The following PHF3 variants were observed in gnomAD, a reference collection of about 807,000 sequenced individuals.
PHF3 encodes PHD finger protein 3.
PHF3 carries 41 observed loss-of-function variants against 178.4 expected under a neutral mutation model. That is an observed-to-expected ratio of 0.23 (90% CI 0.18 to 0.30). The LOEUF is 0.30. Ranked by LOEUF, PHF3 falls within the 10% of genes least tolerant of loss-of-function variation. The pLI is 1.00. For synonymous variants in PHF3, 842 were observed against 800.5 expected (o/e 1.05, Z -0.88); for missense variants, 2,346 against 2,398.1 (o/e 0.98, Z 0.45).
chr6:63,720,526 T>A lies in PHF3; in HGVS notation c.*6818T>A. 1 of 1,108,894 alleles carries A rather than the reference T, an allele frequency of 9.0e-7. No homozygotes were observed. Among genetic ancestry groups the A allele is most frequent in the South Asian group, 1.8e-5 (1 of 55,360 alleles). 68.7% of individuals were successfully genotyped at this position (1,108,894 alleles called of 1,614,324 possible). ...TAAACAGTTGATTCCCCGTAAGCAA[T>A]GTATCAAAGAAATAACTATCAAAAT... On this transcript the variant is annotated 3_prime_UTR_variant, in exon 16 of 16. Transcript: ENST00000262043.
intron 10 of PHF3, 108 bp downstream of exon 10, chr6:63,702,747 A>G: frequency 2.8e-6 from 3 of 1,069,666 alleles, no homozygotes; most frequent in Non-Finnish European, 4.1e-6. Flanking sequence ...ATATGCATCC[A>G]TTTAAAAGTA....
At chr6:63,656,399 AC>A (rs911240566) in intron 2 of PHF3, among the ~76,000 whole-genome samples, 7 of 152,014 alleles carry the variant, frequency 4.6e-5, no homozygotes, top group African/African-American at 1.7e-4. Flanking sequence ...TATTACTGAA[AC>A]CCTAAAAAAA....
At chr6:63,659,776 GTTTTGTA>G (rs966005871) in intron 2 of PHF3, among the ~76,000 whole-genome samples, 1 of 152,108 alleles carries the variant, frequency 6.6e-6, no homozygotes. Context: ...TGTTCAAAAA[GTTTTGTA>G]TTTTGTATTT....
chr6:63,673,827 T>G (rs1766032826), intron 2 of PHF3, among the ~76,000 whole-genome samples: 1 of 152,178 alleles, frequency 6.6e-6, no homozygotes, highest in East Asian at 1.9e-4. Context: ...AAGGTGAATA[T>G]CTCCTCCTCT....
intron 2 of PHF3, among the ~76,000 whole-genome samples, chr6:63,658,244 G>A (rs1462222451): frequency 3.3e-5 from 5 of 152,200 alleles, no homozygotes; most frequent in African/African-American, 1.2e-4. Flanking sequence ...AGCTCCTTTG[G>A]ACTCTAGGCT....
intron 9 of PHF3, among the ~76,000 whole-genome samples, chr6:63,701,205 G>A (rs935217705): frequency 7.2e-5 from 11 of 152,006 alleles, no homozygotes; most frequent in African/African-American, 9.7e-5. Context: ...AGTTATTTTC[G>A]CATAACTAAT....
intron 2 of PHF3, among the ~76,000 whole-genome samples, chr6:63,660,422 G>A (rs1401116054): frequency 6.6e-6 from 1 of 151,594 alleles, no homozygotes; most frequent in Non-Finnish European, 1.5e-5. Flanking sequence ...ACATTAACTT[G>A]GATAATTTTT....
In PHF3 at chr6:63,725,530, TCTC is replaced by T. The variant is rs1396518665; in HGVS notation, c.*11825_*11827del. 6.6e-6 allele frequency among the ~76,000 whole-genome samples: 1 copy of T among 152,140 alleles called. No homozygotes were observed. Among genetic ancestry groups the T allele is most frequent in the Non-Finnish European group, 1.5e-5 (1 of 67,974 alleles). ...TAGAAAATTTATGTTTGTATGTGGT[TCTC>T]CTATTTGACATTTTCACAGGGAGAT... On this transcript the variant is annotated 3_prime_UTR_variant, in exon 16 of 16. Transcript: ENST00000262043.
At position 63,722,409 on chromosome 6, in the gene PHF3, T is replaced by C. The variant is rs1561994740; in HGVS notation, c.*8701T>C. 6.6e-6 allele frequency among the ~76,000 whole-genome samples: 1 copy of C among 152,190 alleles called. No individual in the cohort carries two copies. The highest frequency in any genetic ancestry group is 1.9e-4 in the East Asian group (1 of 5,196). On this transcript the variant is annotated 3_prime_UTR_variant, in exon 16 of 16. Transcript: ENST00000262043. ...AGAGCTGGTCAGGAATTTTTTTCTG[T>C]CAGTGCCTTAATATCACTAGGTTTC... is the stretch of plus-strand genomic sequence containing the variant.
rs754817543 is a variant in PHF3, at chr6:63,712,583, A to G, written c.4995A>G (p.Ser1665=). 1.4e-4 allele frequency: 229 copies of G among 1,613,830 alleles called. No individual in the cohort carries two copies. Among genetic ancestry groups the G allele is most frequent in the Non-Finnish European group, 1.9e-4 (225 of 1,179,944 alleles). Residue 1665 remains serine, a synonymous_variant, in exon 16 of 16, where the codon TCA becomes TCG. Transcript: ENST00000262043. ...AAGRSQPVTT[S]ESKDGDSCRN... ...GACGAAGTCAGCCTGTAACTACTTCAGAAAGCAAAGATGGAGATAGTTGCC... is the reference window on the plus strand; with the variant it reads ...GACGAAGTCAGCCTGTAACTACTTCGGAAAGCAAAGATGGAGATAGTTGCC...
At chr6:63,699,739 C>T (rs569870412) in intron 8 of PHF3, among the ~76,000 whole-genome samples, 2 of 152,128 alleles carry the variant, frequency 1.3e-5, no homozygotes, top group Admixed American at 6.5e-5. Flanking sequence ...TACAGGCACA[C>T]GCCGCCACGC....
intron 3 of PHF3, among the ~76,000 whole-genome samples, chr6:63,683,715 G>GT (rs1488763938): frequency 2.0e-5 from 3 of 151,914 alleles, no homozygotes; most frequent in Non-Finnish European, 4.4e-5. Flanking sequence ...AATATATTTG[G>GT]TTTTATATAT....
At chr6:63,642,232 C>G (rs995426939) in intron 1 of PHF3, among the ~76,000 whole-genome samples, 2 of 152,188 alleles carry the variant, frequency 1.3e-5, no homozygotes, top group African/African-American at 4.8e-5. Context: ...TTCCCTTTGC[C>G]TAGAATATCC....
chr6:63,642,845 T>C (rs1231893394), intron 1 of PHF3, among the ~76,000 whole-genome samples: 1 of 152,156 alleles, frequency 6.6e-6, no homozygotes, highest in African/African-American at 2.4e-5. Flanking sequence ...CTCCTAATTT[T>C]CCCCCTTAAT....
Position 63,722,613 on chromosome 6 carries a change from CTTA to C in PHF3, c.*8909_*8911del, listed in dbSNP as rs1424655178. On this transcript the variant is annotated 3_prime_UTR_variant, in exon 16 of 16. Coordinates refer to ENST00000262043, the MANE Select transcript of PHF3 (RefSeq NM_001370348.2). ...TTGCTTGAAGAGGATAGCAAAATGA[CTTA>C]TTAATAATGAACCACGCAGAAGTCT... 3.9e-5 allele frequency among the ~76,000 whole-genome samples: 6 copies of C among 152,192 alleles called. No individual in the cohort carries two copies. The East Asian group carries it at 1.2e-3, about 29-fold the overall frequency.
In PHF3 at chr6:63,713,202, C is replaced by G. The variant is rs756128273; in HGVS notation, c.5614C>G (p.Leu1872Val). 1 of 1,614,056 alleles carries G rather than the reference C, an allele frequency of 6.2e-7. No homozygotes were observed. The highest frequency in any genetic ancestry group is 8.5e-7 in the Non-Finnish European group (1 of 1,179,986). Residue 1872 changes from leucine to valine, a missense_variant, in exon 16 of 16, where the codon CTC becomes GTC. Around this residue, in one of 8 missense-constraint regions of PHF3, gnomAD observed 839 missense variants for 806.9 expected, o/e 1.04. Transcript: ENST00000262043. ...PGQPQRMMGP[L>V]SQASRYIGPQ... The stretch of plus-strand genomic sequence containing the variant: ...TCAGCCACAGCGTATGATGGGTCCT[C>G]TCTCACAAGCATCAAGGTATATAGG...
At chr6:63,690,168 T>C (rs1044111437) in intron 4 of PHF3, among the ~76,000 whole-genome samples, 1 of 152,196 alleles carries the variant, frequency 6.6e-6, no homozygotes, top group African/African-American at 2.4e-5. Flanking sequence ...GTAGGAATTA[T>C]TTCTGTCTTC....
At chr6:63,636,687 C>G (rs1194006031) in intron 1 of PHF3, 1 of 152,424 alleles carries the variant, frequency 6.6e-6, no homozygotes, top group Admixed American at 6.5e-5. Context: ...AGTTGCTCTT[C>G]CATTTATCCT....
chr6:63,698,731 A>T lies in PHF3; in HGVS notation c.2982+126A>T, dbSNP rs545290772. The T allele has an allele frequency of 2.1e-4, 130 of 632,526 alleles. 1 individual carries two copies. The highest frequency in any genetic ancestry group is 2.4e-4 in the Non-Finnish European group (93 of 393,680). The allele number at this position is 632,526 out of a possible 1,614,324, so 39.2% of individuals were successfully genotyped here. A position where few individuals can be genotyped will look rare whatever the true frequency, so the allele number is the denominator to read the frequency against. On this transcript the variant is annotated intron_variant, in intron 8 of 15. Coordinates refer to ENST00000262043, the MANE Select transcript of PHF3 (RefSeq NM_001370348.2). ...AGATTATAATTTGCTTTTGATGTAGAACATGTAATTTTAATAGTCTTTTTG... is the reference window on the plus strand; with the variant it reads ...AGATTATAATTTGCTTTTGATGTAGTACATGTAATTTTAATAGTCTTTTTG...
Sources: allele counts gnomAD v4.1 joint callset (sites outside exome capture counted in the v4.1 genomes callset), GRCh38; gene constraint gnomAD v4.1.1; regional missense constraint gnomAD v4.1.1; transcripts MANE v1.5; gene names NCBI Gene and HGNC (gene_info 2026-07-23, HGNC 2026-07-21).